The following ZNF514 variants were observed in gnomAD, a reference collection of about 807,000 sequenced individuals.
The protein encoded by ZNF514 is zinc finger protein 514.
In ZNF514, 12 loss-of-function variants were observed where a neutral mutation model predicts 9.7. That is an observed-to-expected ratio of 1.24 (90% CI 0.79 to 2.01). ZNF514 has a LOEUF of 2.01. ZNF514 is among the 30% of genes most tolerant of loss of function. The probability of loss-of-function intolerance (pLI) is 0.00; values close to 1 mark genes in which losing one functional copy is unlikely to be tolerated. For synonymous variants in ZNF514, 158 were observed against 163.7 expected, an observed-to-expected ratio of 0.97 and a Z score of 0.27; for missense variants, 467 against 465.5, an observed-to-expected ratio of 1.00 and a Z score of -0.03.
downstream of ZNF514, among the ~76,000 whole-genome samples, chr2:95,141,533 T>C (rs573660926): frequency 1.9e-4 from 29 of 152,130 alleles, 1 homozygote; most frequent in South Asian, 5.8e-3. Context: ...CATGGAAAAA[T>C]AGGGTAAAGG....
rs1487704917 is a variant in ZNF514, at chr2:95,153,521, T to A, written c.-6-262A>T. The A allele has an allele frequency of 3.2e-5, 9 of 280,310 alleles. No homozygotes were observed. The East Asian group carries it at 5.8e-4, about 18-fold the overall frequency. The allele number at this position is 280,310 out of a possible 1,614,324, so 17.4% of individuals were successfully genotyped here. On this transcript the variant is annotated intron_variant, in intron 2 of 4. Coordinates refer to ENST00000295208, the MANE Select transcript of ZNF514 (RefSeq NM_032788.3). ...TCAACAGTTTTCTAATAAAGTATTT[T>A]TGAAACTTGTGACCTATGATTCTGA...
chr2:95,131,522 ATG>A, the ZNF514 span, among the ~76,000 whole-genome samples: 1 of 152,170 alleles, frequency 6.6e-6, no homozygotes, highest in African/African-American at 2.4e-5. Context: ...CTCTCAGTAC[ATG>A]TGAGTCATAA....
chr2:95,152,740 A>T lies in ZNF514; in HGVS notation c.151T>A (p.Cys51Ser). The T allele has an allele frequency of 6.2e-7, 1 of 1,614,220 alleles. No individual in the cohort carries two copies. Among genetic ancestry groups the T allele is most frequent in the Non-Finnish European group, 8.5e-7 (1 of 1,180,030 alleles). The stretch of plus-strand genomic sequence containing the variant: ...GGCTCACCCCCTTCCTCCAACTGGC[A>T]GATCACATATGGTTTGGATACTAGA... ...GLLVSKPYVI[C>S]QLEEGGEPFM... Residue 51 changes from cysteine (C) to serine (S), a missense_variant, in exon 4 of 5, where the codon TGC becomes AGC. Physicochemically the swap from Cys to Ser is moderately radical, Grantham distance 112 (BLOSUM62 -1). Transcript: ENST00000295208.
chr2:95,152,965 C>T (rs1673585007), intron 3 of ZNF514, among the ~76,000 whole-genome samples, 168 bp downstream of exon 3: 1 of 152,172 alleles, frequency 6.6e-6, no homozygotes, highest in African/African-American at 2.4e-5. Flanking sequence ...GAACTAGGAA[C>T]AGAAATACTG....
Position 95,149,819 on chromosome 2 carries a change from A to T in ZNF514, c.666T>A (p.His222Gln). 1 of 1,614,210 alleles carries T rather than the reference A, an allele frequency of 6.2e-7. No homozygotes were observed. Among genetic ancestry groups the T allele is most frequent in the Non-Finnish European group, 8.5e-7 (1 of 1,180,042 alleles). ...SFHFQSELRRHQRCHTGEKPY... is the reference protein window; with the variant it reads ...SFHFQSELRRQQRCHTGEKPY... ...GCTTTTCTCCAGTGTGACATCGCTG[A>T]TGGCGCCTAAGTTCTGACTGGAAGT... is the stretch of plus-strand genomic sequence containing the variant. The change falls in exon 5 of 5, where the codon CAT becomes CAA. Residue 222 changes from histidine to glutamine, a missense_variant. Coordinates refer to ENST00000295208, the MANE Select transcript of ZNF514 (RefSeq NM_032788.3).
intron 2 of ZNF514, chr2:95,154,518 GA>G (rs1175483031): frequency 6.6e-6 from 1 of 152,254 alleles, no homozygotes; most frequent in Non-Finnish European, 1.5e-5. Flanking sequence ...ACTGTTTGGT[GA>G]AACTATTGCC....
At chr2:95,131,769 C>T in the ZNF514 span, among the ~76,000 whole-genome samples, 56 of 152,212 alleles carry the variant, frequency 3.7e-4, no homozygotes, top group Middle Eastern at 0.01. Flanking sequence ...CAAGCCACAA[C>T]CTGAACCTTA....
intron 2 of ZNF514, 166 bp from the exon 3 acceptor site, chr2:95,153,425 C>G (rs1374559041): frequency 1.8e-6 from 1 of 555,290 alleles, no homozygotes; most frequent in African/African-American, 1.9e-5. Flanking sequence ...TATTCTCAAT[C>G]TAGTTACATT....
the ZNF514 span, among the ~76,000 whole-genome samples, chr2:95,138,263 T>C: frequency 1.3e-5 from 2 of 152,158 alleles, no homozygotes; most frequent in South Asian, 4.2e-4. Flanking sequence ...TGTAACTGGG[T>C]AACAGCGAGA....
In ZNF514 at chr2:95,149,907, T is replaced by C. The variant is rs760752906; in HGVS notation, c.578A>G (p.Asn193Ser). 2.5e-5 allele frequency: 40 copies of C among 1,614,164 alleles called. No individual in the cohort carries two copies. The Middle Eastern group carries it at 3.1e-3, about 126-fold the overall frequency. Residue 193 changes from asparagine to serine, a missense_variant, in exon 5 of 5, where the codon AAC becomes AGC. By Grantham distance (46) the Asn-to-Ser change is conservative. Transcript: ENST00000295208. Reference sequence around the variant, plus strand: ...CTTTTCTGGGTGGGTTCTCTGAGAGTTGTTTCCCCCTAAAGTCTGCCTGAA... The same window carrying C: ...CTTTTCTGGGTGGGTTCTCTGAGAGCTGTTTCCCCCTAAAGTCTGCCTGAA... ...TEFRQTLGGN[N>S]SQRTHPEKKS...
At position 95,147,230 on chromosome 2, in the gene ZNF514, T is replaced by G. The variant is rs1673382275; in HGVS notation, c.*2052A>C. 1 of 152,140 alleles carries G rather than the reference T, an allele frequency of 6.6e-6. No individual in the cohort carries two copies. Among genetic ancestry groups the G allele is most frequent in the African/African-American group, 2.4e-5 (1 of 41,416 alleles). The allele number at this position is 152,140 out of a possible 1,614,324, so 9.4% of individuals were successfully genotyped here. A position where few individuals can be genotyped will look rare whatever the true frequency, so the allele number is the denominator to read the frequency against. ...GACCCAGTAAATGTAGGGGTAACTGTTACAGAAAATAAAAAGTGATACCAA... is the reference window on the plus strand; with the variant it reads ...GACCCAGTAAATGTAGGGGTAACTGGTACAGAAAATAAAAAGTGATACCAA... On this transcript the variant is annotated 3_prime_UTR_variant, in exon 5 of 5. Coordinates refer to ENST00000295208, the MANE Select transcript of ZNF514 (RefSeq NM_032788.3).
the ZNF514 span, among the ~76,000 whole-genome samples, chr2:95,129,623 TA>T: frequency 1.3e-5 from 2 of 152,108 alleles, no homozygotes; most frequent in Admixed American, 1.3e-4. Flanking sequence ...GATGAGGAGA[TA>T]GGGGCTCCCG....
chr2:95,141,751 T>C (rs1262366883), downstream of ZNF514, among the ~76,000 whole-genome samples: 2 of 152,102 alleles, frequency 1.3e-5, no homozygotes, highest in African/African-American at 4.8e-5. Flanking sequence ...AGGGAATAAA[T>C]CAATCAAACT....
the ZNF514 span, among the ~76,000 whole-genome samples, chr2:95,136,359 G>A: frequency 1.3e-5 from 2 of 151,672 alleles, no homozygotes; most frequent in East Asian, 2.0e-4. Context: ...GTGATTCTCC[G>A]GCCTCAGGCT....
rs985655569 is a variant in ZNF514, at chr2:95,145,835, C to T, written c.*3447G>A. Among the ~76,000 whole-genome samples the T allele has an allele frequency of 6.6e-6, 1 of 152,182 alleles. No homozygotes were observed. Among genetic ancestry groups the T allele is most frequent in the Non-Finnish European group, 1.5e-5 (1 of 68,028 alleles). The stretch of plus-strand genomic sequence containing the variant: ...GTTAACCATACTCGTCAGTTTGAAC[C>T]CAGTGTCCTGCCCTCCAAAAATCCT... On this transcript the variant is annotated 3_prime_UTR_variant, in exon 5 of 5. Transcript: ENST00000295208.
At position 95,149,349 on chromosome 2, in the gene ZNF514, C is replaced by T. The variant is rs768587188; in HGVS notation, c.1136G>A (p.Arg379Lys). Residue 379 changes from arginine (R) to lysine (K), a missense_variant, in exon 5 of 5, where the codon AGG becomes AAG. Transcript: ENST00000295208. ...EKPYKCNECG[R>K]AFAHTASLIK... ...AAGGGATGCAGTATGAGCAAAGGCC[C>T]TTCCACACTCATTACATTTGTAGGG... The T allele has an allele frequency of 1.2e-6, 2 of 1,613,578 alleles. No homozygotes were observed. Among genetic ancestry groups the T allele is most frequent in the Non-Finnish European group, 1.7e-6 (2 of 1,179,566 alleles).
chr2:95,149,247 C>A lies in ZNF514; in HGVS notation c.*35G>T. ...ATTCTTTAAGTTCCAGTGATGTCTG[C>A]ACTCCAGCTGAAAGCCCTTCTATAT... On this transcript the variant is annotated 3_prime_UTR_variant, in exon 5 of 5. Transcript: ENST00000295208. The A allele has an allele frequency of 6.5e-7, 1 of 1,528,950 alleles. No homozygotes were observed. Among genetic ancestry groups the A allele is most frequent in the Non-Finnish European group, 8.8e-7 (1 of 1,142,042 alleles). 94.7% of individuals were successfully genotyped at this position (1,528,950 alleles called of 1,614,324 possible). A position where few individuals can be genotyped will look rare whatever the true frequency, so the allele number is the denominator to read the frequency against.
chr2:95,146,098 T>A lies in ZNF514; in HGVS notation c.*3184A>T, dbSNP rs1673351483. Among the ~76,000 whole-genome samples, 1 of 152,238 alleles carries A rather than the reference T, an allele frequency of 6.6e-6. No homozygotes were observed. The highest frequency in any genetic ancestry group is 1.5e-5 in the Non-Finnish European group (1 of 68,040). Reference sequence around the variant, plus strand: ...GCTACAAAGAGTCTGTTTTTGTTAGTCTTAAGGTCTCTGTTTTAAGGCAAA... The same window carrying A: ...GCTACAAAGAGTCTGTTTTTGTTAGACTTAAGGTCTCTGTTTTAAGGCAAA... On this transcript the variant is annotated 3_prime_UTR_variant, in exon 5 of 5. Transcript: ENST00000295208.
the ZNF514 span, among the ~76,000 whole-genome samples, chr2:95,127,611 TTTTTGTG>T: frequency 6.6e-6 from 1 of 152,154 alleles, no homozygotes; most frequent in African/African-American, 2.4e-5. Context: ...GTTTTTTTGT[TTTTTGTG>T]TTTTGTGTTG....
Sources: gnomAD v4.1 joint callset for allele counts (sites outside exome capture counted in the v4.1 genomes callset) on GRCh38, gnomAD v4.1.1 for gene constraint, MANE v1.5 for transcripts, NCBI Gene and HGNC (gene_info 2026-07-23, HGNC 2026-07-21) for gene names.